The following ALPK3 variants were observed in gnomAD, a reference collection of about 807,000 sequenced individuals.
ALPK3 encodes alpha kinase 3.
Under a neutral mutation model 140.0 loss-of-function variants are expected in ALPK3, and 102 were observed. The ratio of observed to expected loss-of-function variants is 0.73; its 90% CI spans 0.62 to 0.86. The LOEUF (loss-of-function observed/expected upper bound fraction) is 0.86, where lower values mean the gene tolerates loss of function less well. Ranked by LOEUF, ALPK3 falls within the 40% of genes least tolerant of loss-of-function variation. ALPK3 has a pLI of 0.00. For synonymous variants in ALPK3, 938 were observed against 898.5 expected, an observed-to-expected ratio of 1.04 and a Z score of -0.79; for missense variants, 2,254 against 2,208.2, an observed-to-expected ratio of 1.02 and a Z score of -0.42.
chr15:84,856,317 G>T, intron 5 of ALPK3, 75 bp from the exon 6 acceptor site: 1 of 1,527,886 alleles, frequency 6.5e-7, no homozygotes, highest in Non-Finnish European at 8.8e-7. Flanking sequence ...GGTCCGAGGA[G>T]ACTGGGATGC....
rs1038938286 is a variant in ALPK3, at chr15:84,840,296, C to T, written c.1017C>T (p.Arg339=). The change falls in exon 5 of 14, where the codon CGC becomes CGT. Residue 339 remains arginine, a synonymous_variant. Transcript: ENST00000258888. ...KPELEKAAQS[R]RSSENCIPSS... is the part of the protein sequence containing the mutation. ...AGTTAGAGAAGGCAGCCCAAAGCCG[C>T]CGTTCTTCAGAAAACTGCATCCCCA... is the stretch of plus-strand genomic sequence containing the variant. 2.5e-6 allele frequency: 4 copies of T among 1,613,896 alleles called. No individual in the cohort carries two copies. The African/African-American group carries it at 5.3e-5, about 22-fold the overall frequency.
Position 84,857,485 on chromosome 15 carries a change from T to C in ALPK3, c.2747T>C (p.Leu916Pro), listed in dbSNP as rs150385353. The change falls in exon 6 of 14, where the codon CTG becomes CCG. Residue 916 changes from leucine to proline, a missense_variant. Transcript: ENST00000258888. ...TCTGCCCCAACACTGCACCTGGGGC[T>C]GGGGACCCCCACTCAGAGTCACCCA... ...MSSAPTLHLG[L>P]GTPTQSHPPE... 254 of 1,606,558 alleles carry C rather than the reference T, an allele frequency of 1.6e-4. No individual in the cohort carries two copies. The African/African-American group carries it at 3.0e-3, about 19-fold the overall frequency.
At position 84,817,516 on chromosome 15, in the gene ALPK3, G is replaced by T; in HGVS notation, c.64G>T (p.Asp22Tyr). ...GAGGRSGAGG[D>Y]GEDDGPVWIP... ...GGGTGGGCGGTCGGGGGCGGGGGGCGACGGTGAGGACGACGGCCCCGTGTG... is the reference window on the plus strand; with the variant it reads ...GGGTGGGCGGTCGGGGGCGGGGGGCTACGGTGAGGACGACGGCCCCGTGTG... Residue 22 changes from aspartate to tyrosine, a missense_variant, in exon 1 of 14, where the codon GAC becomes TAC. Physicochemically the swap from Asp to Tyr is radical, Grantham distance 160. This residue lies in a region of ALPK3 where 2,088 missense variants were observed against 2,022.9 expected (regional missense o/e 1.03). Coordinates refer to ENST00000258888, the MANE Select transcript of ALPK3 (RefSeq NM_020778.5). 6.8e-7 allele frequency: 1 copy of T among 1,478,588 alleles called. No individual in the cohort carries two copies. The highest frequency in any genetic ancestry group is 1.3e-5 in the South Asian group (1 of 78,938). 91.6% of individuals were successfully genotyped at this position (1,478,588 alleles called of 1,614,324 possible). A position where few individuals can be genotyped will look rare whatever the true frequency, so the allele number is the denominator to read the frequency against.
rs1963654483 is a variant in ALPK3 at position 84,840,787 on chromosome 15, G to A, written c.1508G>A (p.Ser503Asn). ...TTDSKPISSLSQAPECGAQSL... is the reference protein window; with the variant it reads ...TTDSKPISSLNQAPECGAQSL... ...GACAGCAAGCCCATTTCTTCTCTGAGTCAAGCTCCAGAATGCGGGGCCCAG... is the reference window on the plus strand; with the variant it reads ...GACAGCAAGCCCATTTCTTCTCTGAATCAAGCTCCAGAATGCGGGGCCCAG... Residue 503 changes from serine (S) to asparagine (N), a missense_variant, in exon 5 of 14, where the codon AGT (serine) becomes AAT (asparagine). By Grantham distance (46) the Ser-to-Asn change is conservative (BLOSUM62 1). Transcript: ENST00000258888. The A allele has an allele frequency of 5.6e-6, 9 of 1,614,128 alleles. No individual in the cohort carries two copies. Among genetic ancestry groups the A allele is most frequent in the Non-Finnish European group, 7.6e-6 (9 of 1,180,048 alleles).
intron 3 of ALPK3, among the ~76,000 whole-genome samples, chr15:84,836,189 G>A (rs1963595436): frequency 6.6e-6 from 1 of 152,202 alleles, no homozygotes; most frequent in African/African-American, 2.4e-5. Context: ...AAGCCAGCAG[G>A]ACCACATGGG....
At chr15:84,865,476 A>G (rs1963992587) in intron 12 of ALPK3, among the ~76,000 whole-genome samples, 1 of 152,198 alleles carries the variant, frequency 6.6e-6, no homozygotes, top group African/African-American at 2.4e-5. Flanking sequence ...AGGGCGGGCT[A>G]GGTAACATTA....
intron 5 of ALPK3, among the ~76,000 whole-genome samples, chr15:84,854,313 G>A (rs1433656138): frequency 6.6e-6 from 1 of 151,678 alleles, no homozygotes; most frequent in Non-Finnish European, 1.5e-5. Flanking sequence ...TTGAGCCAGA[G>A]TTTCACTCTT....
At chr15:84,823,465 C>G in intron 2 of ALPK3, 97 bp downstream of exon 2, 1 of 1,367,938 alleles carries the variant, frequency 7.3e-7, no homozygotes, top group Non-Finnish European at 1.0e-6. Context: ...AACCAGGCTG[C>G]ATGGGGTGAG....
intron 1 of ALPK3, among the ~76,000 whole-genome samples, chr15:84,822,567 A>C (rs773681180): frequency 3.9e-5 from 6 of 151,924 alleles, no homozygotes; most frequent in Non-Finnish European, 8.8e-5. Context: ...CCCACTGGAG[A>C]TTTTTGTATC....
chr15:84,859,349 A>G lies in ALPK3; in HGVS notation c.3924A>G (p.Thr1308=), dbSNP rs778445522. 3.7e-6 allele frequency: 6 copies of G among 1,614,144 alleles called. No homozygotes were observed. The highest frequency in any genetic ancestry group is 5.1e-6 in the Non-Finnish European group (6 of 1,180,008). The part of the protein sequence containing the change: ...FFNILSDSVL[T]WAKDQRPVGE... Reference sequence around the variant, plus strand: ...ACATTCTTAGTGACTCAGTCTTGACATGGGCCAAGGATCAGCGCCCAGTGG... The same window carrying G: ...ACATTCTTAGTGACTCAGTCTTGACGTGGGCCAAGGATCAGCGCCCAGTGG... Residue 1308 remains threonine (T), a synonymous_variant, in exon 7 of 14, where the codon ACA becomes ACG. Transcript: ENST00000258888.
At chr15:84,841,051 G>A (rs868571581) in intron 5 of ALPK3, 119 bp downstream of exon 5, 2 of 1,342,026 alleles carry the variant, frequency 1.5e-6, no homozygotes, top group African/African-American at 2.9e-5. Context: ...GGGTGGGGAG[G>A]GACTGGAGTG....
chr15:84,856,878 G>T lies in ALPK3; in HGVS notation c.2140G>T (p.Gly714Trp). The change falls in exon 6 of 14, where the codon GGG (glycine) becomes TGG (tryptophan). Residue 714 changes from glycine (G) to tryptophan (W), a missense_variant. Gly to Trp is a radical substitution (Grantham distance 184, BLOSUM62 -2). Coordinates refer to ENST00000258888, the MANE Select transcript of ALPK3 (RefSeq NM_020778.5). ...GGGAGAGAAGGGGACGCAGTCAGAG[G>T]GGAGCGCGCCCACAGCCATGGAAGG... The part of the protein sequence containing the change: ...MQGEKGTQSE[G>W]SAPTAMEGQS... The T allele has an allele frequency of 6.2e-7, 1 of 1,614,040 alleles. No individual in the cohort carries two copies.
intron 5 of ALPK3, among the ~76,000 whole-genome samples, chr15:84,850,560 T>G (rs1963790611): frequency 6.6e-6 from 1 of 151,158 alleles, no homozygotes; most frequent in East Asian, 1.9e-4. Context: ...AATATTTTGT[T>G]TTTTTTTTGT....
rs1378842112 is a variant in ALPK3 at position 84,868,096 on chromosome 15, C to T, written c.4773-15C>T. On this transcript the variant is annotated splice_polypyrimidine_tract_variant and intron_variant, in intron 13 of 13. Coordinates refer to ENST00000258888, the MANE Select transcript of ALPK3 (RefSeq NM_020778.5). ...TGGTTGGGACCCCCACTCAGCTCTT[C>T]CTGTCTGGCTGCAGATACCAGGGCC... 2 of 1,601,826 alleles carry T rather than the reference C, an allele frequency of 1.2e-6. No individual in the cohort carries two copies. Among genetic ancestry groups the T allele is most frequent in the African/African-American group, 1.3e-5 (1 of 74,612 alleles).
At chr15:84,860,888 C>T (rs906725996) in intron 9 of ALPK3, among the ~76,000 whole-genome samples, 3 of 152,158 alleles carry the variant, frequency 2.0e-5, no homozygotes, top group Non-Finnish European at 2.9e-5. Context: ...ATGCCCAGCT[C>T]GTTTTTGTAT....
At chr15:84,834,680 G>A (rs551118352) in intron 3 of ALPK3, among the ~76,000 whole-genome samples, 58 of 152,384 alleles carry the variant, frequency 3.8e-4, no homozygotes, top group Admixed American at 2.2e-3. Context: ...TTTCCAAGCT[G>A]GGTTCTTGAG....
At chr15:84,851,039 G>C (rs879526329) in intron 5 of ALPK3, among the ~76,000 whole-genome samples, 4 of 152,070 alleles carry the variant, frequency 2.6e-5, no homozygotes, top group Non-Finnish European at 5.9e-5. Context: ...TCTTCAAAGG[G>C]GAAGAATTCA....
At chr15:84,832,584 C>G (rs1191222494) in intron 3 of ALPK3, among the ~76,000 whole-genome samples, 1 of 152,144 alleles carries the variant, frequency 6.6e-6, no homozygotes, top group Non-Finnish European at 1.5e-5. Context: ...TTGCTCCATC[C>G]TCCACCACAT....
intron 3 of ALPK3, among the ~76,000 whole-genome samples, chr15:84,833,835 G>C (rs1336057750): frequency 6.6e-6 from 1 of 152,156 alleles, no homozygotes; most frequent in Non-Finnish European, 1.5e-5. Context: ...GCCTCCGCTA[G>C]CTCCTGTCTC....
Sources: gnomAD v4.1 joint callset for allele counts (sites outside exome capture counted in the v4.1 genomes callset) on GRCh38, gnomAD v4.1.1 for gene constraint, gnomAD v4.1.1 regional missense constraint, MANE v1.5 for transcripts, NCBI Gene and HGNC (gene_info 2026-07-23, HGNC 2026-07-21) for gene names.